USP7: variants seen among roughly 807,000 people sequenced by gnomAD.
USP7 encodes ubiquitin C-terminal hydrolase 7.
USP7 carries 9 observed loss-of-function variants against 162.9 expected under a neutral mutation model. The ratio of observed to expected loss-of-function variants is 0.06; its 90% CI spans 0.03 to 0.10. The LOEUF (loss-of-function observed/expected upper bound fraction) is 0.10, where lower values mean the gene tolerates loss of function less well. Among genes scored for constraint, USP7 ranks in the 10% least tolerant of loss-of-function variants. The pLI is 1.00. For synonymous variants in USP7, 562 were observed against 475.9 expected (o/e 1.18, Z -2.35); for missense variants, 715 against 1,373.7 (o/e 0.52, Z 7.58).
chr16:8,953,038 T>C lies in USP7; in HGVS notation c.79+10169A>G, dbSNP rs570797612. Reference sequence around the variant, plus strand: ...TTTTAGTAGAGACGGGGTTTCACCATGTTGGTCAGGCTGGTCTTGAACCCC... The same window carrying C: ...TTTTAGTAGAGACGGGGTTTCACCACGTTGGTCAGGCTGGTCTTGAACCCC... On this transcript the variant is annotated intron_variant, in intron 1 of 30. Transcript: ENST00000344836. Among the ~76,000 whole-genome samples the C allele has an allele frequency of 1.4e-4, 22 of 152,212 alleles. No individual in the cohort carries two copies. In the South Asian group the frequency reaches 3.7e-3, roughly 26 times the overall value.
At chr16:8,894,321 C>T (rs1223713489) in intron 30 of USP7, among the ~76,000 whole-genome samples, 1 of 152,184 alleles carries the variant, frequency 6.6e-6, no homozygotes, top group African/African-American at 2.4e-5. Context: ...CTCAATCACC[C>T]TGCACACATA....
intron 26 of USP7, 132 bp downstream of exon 26, chr16:8,896,867 G>A: frequency 4.0e-6 from 3 of 743,238 alleles, no homozygotes; most frequent in South Asian, 3.1e-5. Context: ...TGCAATGGAG[G>A]CACACCCCAC....
intron 1 of USP7, among the ~76,000 whole-genome samples, chr16:8,931,278 T>C (rs890147628): frequency 6.6e-6 from 1 of 152,026 alleles, no homozygotes; most frequent in African/African-American, 2.4e-5. Flanking sequence ...TACCTCTGCC[T>C]TTCCAGTTCA....
At chr16:8,938,662 G>C (rs937078003) in intron 1 of USP7, among the ~76,000 whole-genome samples, 29 of 150,822 alleles carry the variant, frequency 1.9e-4, no homozygotes, top group African/African-American at 6.9e-4. Flanking sequence ...AGTGAGCGGA[G>C]ATCGCACCAC....
chr16:8,901,787 C>A, intron 18 of USP7: 2 of 382,544 alleles, frequency 5.2e-6, no homozygotes, highest in Non-Finnish European at 9.4e-6. Context: ...TGACAGACAA[C>A]GTTTGCAACC....
At chr16:8,922,695 G>C (rs1235599275) in intron 3 of USP7, among the ~76,000 whole-genome samples, 4 of 152,218 alleles carry the variant, frequency 2.6e-5, no homozygotes, top group African/African-American at 9.6e-5. Context: ...GATAAAGGGT[G>C]AATTAATTTT....
chr16:8,923,504 C>A (rs1305604766), intron 2 of USP7, 91 bp from the exon 3 acceptor site: 8 of 1,338,062 alleles, frequency 6.0e-6, no homozygotes, highest in Non-Finnish European at 7.2e-6. Context: ...TTCTATACAT[C>A]CTGATTTAAC....
At chr16:8,907,120 C>T (rs1205247710) in intron 12 of USP7, among the ~76,000 whole-genome samples, 1 of 152,268 alleles carries the variant, frequency 6.6e-6, no homozygotes, top group Non-Finnish European at 1.5e-5. Flanking sequence ...CACCACTCAG[C>T]TCACAGCCCC....
At chr16:8,958,652 C>A (rs1439180057) in intron 1 of USP7, among the ~76,000 whole-genome samples, 1 of 152,138 alleles carries the variant, frequency 6.6e-6, no homozygotes, top group African/African-American at 2.4e-5. Context: ...CGTCTGGACA[C>A]TCAGGGACCT....
chr16:8,920,433 A>G lies in USP7; in HGVS notation c.537T>C (p.Pro179=). The G allele has an allele frequency of 1.2e-6, 2 of 1,612,824 alleles. No individual in the cohort carries two copies. Among genetic ancestry groups the G allele is most frequent in the South Asian group, 2.2e-5 (2 of 90,698 alleles). ...NFMAWSEVTD[P]EKGFIDDDKV... The stretch of plus-strand genomic sequence containing the variant: ...TGTCATCATCTATAAATCCTTTCTC[A>G]GGATCGGTCACTTCCTATAAAACAT... Residue 179 remains proline (P), a synonymous_variant, in exon 5 of 31, where the codon CCT becomes CCC. Coordinates refer to ENST00000344836, the MANE Select transcript of USP7 (RefSeq NM_003470.3).
chr16:8,950,276 G>C (rs898120598), intron 1 of USP7, among the ~76,000 whole-genome samples: 3 of 152,058 alleles, frequency 2.0e-5, no homozygotes, highest in African/African-American at 7.2e-5. Flanking sequence ...TAGGCTTGCA[G>C]AGTAGAAGAC....
chr16:8,913,385 G>A (rs911324665), intron 10 of USP7, among the ~76,000 whole-genome samples: 1 of 151,954 alleles, frequency 6.6e-6, no homozygotes, highest in African/African-American at 2.4e-5. Context: ...GAAGACAGGA[G>A]AGAAGAGAAG....
intron 1 of USP7, among the ~76,000 whole-genome samples, chr16:8,944,694 A>G (rs1009303479): frequency 2.6e-5 from 4 of 152,366 alleles, no homozygotes; most frequent in African/African-American, 9.6e-5. Flanking sequence ...CACTGGAGAC[A>G]CAGACCACCA....
At chr16:8,960,262 T>C (rs943606574) in intron 1 of USP7, among the ~76,000 whole-genome samples, 20 of 152,172 alleles carry the variant, frequency 1.3e-4, no homozygotes, top group African/African-American at 4.8e-4. Context: ...ACAGGGAGTG[T>C]GTGGTTGCAA....
At position 8,910,839 on chromosome 16, in the gene USP7, G is replaced by T; in HGVS notation, c.1079-12C>A. 6.2e-7 allele frequency: 1 copy of T among 1,611,182 alleles called. No individual in the cohort carries two copies. The highest frequency in any genetic ancestry group is 8.5e-7 in the Non-Finnish European group (1 of 1,178,140). On this transcript the variant is annotated splice_polypyrimidine_tract_variant and intron_variant, in intron 10 of 30. Transcript: ENST00000344836. ...AAATGATTCAAATACTTTAAAGAGA[G>T]AGAGAGAAAAGTCAAGTGCTAAAGC... is the stretch of plus-strand genomic sequence containing the variant.
At chr16:8,912,328 T>A (rs2437711) in intron 10 of USP7, among the ~76,000 whole-genome samples, 3 of 151,496 alleles carry the variant, frequency 2.0e-5, no homozygotes, top group Non-Finnish European at 4.4e-5. Context: ...GGTGGGCACC[T>A]GTAATCCCAG....
chr16:8,926,083 G>A (rs958134361), intron 2 of USP7, among the ~76,000 whole-genome samples: 18 of 151,878 alleles, frequency 1.2e-4, no homozygotes, highest in African/African-American at 4.4e-4. Context: ...GAACCCGGGA[G>A]GCGAAGCTTG....
intron 22 of USP7, 197 bp from the exon 23 acceptor site, chr16:8,899,385 A>C (rs2061740189): frequency 1.3e-6 from 1 of 766,706 alleles, no homozygotes; most frequent in Non-Finnish European, 2.1e-6. Flanking sequence ...AACTTTGGAA[A>C]GGGTTTTCAC....
chr16:8,938,845 C>A lies in USP7; in HGVS notation c.80-8448G>T, dbSNP rs191721608. ...ACACTGTATTAGATATTATAAGCCA[C>A]GTAGAGATAATTTAAACTATATAGG... On this transcript the variant is annotated intron_variant, in intron 1 of 30. Coordinates refer to ENST00000344836, the MANE Select transcript of USP7 (RefSeq NM_003470.3). Among the ~76,000 whole-genome samples, 46 of 152,180 alleles carry A rather than the reference C, an allele frequency of 3.0e-4. No individual in the cohort carries two copies. In the East Asian group the frequency reaches 7.7e-3, roughly 25 times the overall value.
Sources: gnomAD v4.1 joint callset for allele counts (sites outside exome capture counted in the v4.1 genomes callset) on GRCh38, gnomAD v4.1.1 for gene constraint, MANE v1.5 for transcripts, NCBI Gene and HGNC (gene_info 2026-07-23, HGNC 2026-07-21) for gene names.